The following NBAS variants were observed in gnomAD, a reference collection of about 807,000 sequenced individuals.
NBAS encodes the protein NAG/BC035112 fusion.
In NBAS, 219 loss-of-function variants were observed where a neutral mutation model predicts 302.5. That is an observed-to-expected ratio of 0.72 (90% CI 0.65 to 0.81). NBAS has a LOEUF of 0.81. NBAS is among the 30% of genes least tolerant of loss of function. The probability of loss-of-function intolerance (pLI) is 0.00; values close to 1 mark genes in which losing one functional copy is unlikely to be tolerated. For synonymous variants in NBAS, 1,118 were observed against 1,021.6 expected (o/e 1.09, Z -1.80); for missense variants, 2,932 against 2,841.6 (o/e 1.03, Z -0.72).
the NBAS span, among the ~76,000 whole-genome samples, chr2:15,056,425 C>A: frequency 6.6e-6 from 1 of 152,136 alleles, no homozygotes; most frequent in Non-Finnish European, 1.5e-5. Flanking sequence ...GCATTTGTAA[C>A]GTTTCTAAAA....
chr2:14,816,153 G>C, the NBAS span, among the ~76,000 whole-genome samples: 1 of 152,160 alleles, frequency 6.6e-6, no homozygotes, highest in Non-Finnish European at 1.5e-5. Flanking sequence ...AACTCCTTTA[G>C]CTTACACAGG....
chr2:14,847,382 T>TAAAAAAAAAAAAAAAAAAAAAAAAA, the NBAS span, among the ~76,000 whole-genome samples: 4 of 53,170 alleles, frequency 7.5e-5, no homozygotes, highest in Non-Finnish European at 1.1e-4. Flanking sequence ...GACTCTATCT[T>TAAAAAAAAAAAAAAAAAAAAAAAAA]AAAAAAAAAA....
the NBAS span, among the ~76,000 whole-genome samples, chr2:15,161,097 G>T: frequency 9.2e-5 from 14 of 152,286 alleles, no homozygotes; most frequent in South Asian, 2.9e-3. Context: ...TTGAGCAAAA[G>T]TTGGGCTTTG....
Position 15,351,879 on chromosome 2 carries a change from C to T in NBAS, c.4179+113G>A, listed in dbSNP as rs1673375045. The T allele has an allele frequency of 6.9e-6, 1 of 144,426 alleles. No homozygotes were observed. The highest frequency in any genetic ancestry group is 3.8e-5 in the African/African-American group (1 of 26,214). 8.9% of individuals were successfully genotyped at this position (144,426 alleles called of 1,614,324 possible). On this transcript the variant is annotated intron_variant, in intron 35 of 51. Transcript: ENST00000281513. ...GAAAAGTGGTCTGCATGCACACACACACACACACACACACACACACACACA... is the reference window on the plus strand; with the variant it reads ...GAAAAGTGGTCTGCATGCACACACATACACACACACACACACACACACACA...
chr2:15,460,276 G>C (rs1679449962), intron 21 of NBAS, among the ~76,000 whole-genome samples: 1 of 152,040 alleles, frequency 6.6e-6, no homozygotes. Flanking sequence ...ATCAATTCTG[G>C]TGTTACTAAA....
chr2:15,138,808 A>T, the NBAS span, among the ~76,000 whole-genome samples: 1 of 152,246 alleles, frequency 6.6e-6, no homozygotes, highest in South Asian at 2.1e-4. Flanking sequence ...CAAATAATAA[A>T]GAGAATTTAG....
At chr2:15,275,137 C>T (rs980565763) in intron 44 of NBAS, among the ~76,000 whole-genome samples, 5 of 152,052 alleles carry the variant, frequency 3.3e-5, no homozygotes, top group Non-Finnish European at 7.4e-5. Context: ...GCCTGGTTTC[C>T]GAATGCAGGT....
chr2:15,465,450 C>G (rs1261333950), intron 19 of NBAS, among the ~76,000 whole-genome samples: 3 of 152,178 alleles, frequency 2.0e-5, no homozygotes, highest in Admixed American at 1.3e-4. Flanking sequence ...CTCCATGAAG[C>G]CCATTCCTTG....
chr2:15,236,397 A>C (rs1410851549), intron 45 of NBAS, among the ~76,000 whole-genome samples: 2 of 151,526 alleles, frequency 1.3e-5, no homozygotes, highest in Non-Finnish European at 2.9e-5. Flanking sequence ...AAAATACAAA[A>C]AATTAGTTGG....
Position 15,539,207 on chromosome 2 carries a change from T to C in NBAS, c.513+16A>G, listed in dbSNP as rs375793446. 126 of 1,614,044 alleles carry C rather than the reference T, an allele frequency of 7.8e-5. No individual in the cohort carries two copies. Among genetic ancestry groups the C allele is most frequent in the Non-Finnish European group, 1.0e-4 (122 of 1,180,018 alleles). On this transcript the variant is annotated intron_variant, in intron 7 of 51. Transcript: ENST00000281513. ...CATTGAAAAAACTATGTTTTCAATT[T>C]AAGCTATGTACATACCGGGGAAATG...
the NBAS span, among the ~76,000 whole-genome samples, chr2:15,127,235 A>G: frequency 6.6e-6 from 1 of 152,308 alleles, no homozygotes; most frequent in Middle Eastern, 3.4e-3. Flanking sequence ...TAATCTCCCT[A>G]GGAAGCACAT....
chr2:15,501,326 AT>A (rs1242351550), intron 11 of NBAS, among the ~76,000 whole-genome samples: 2 of 152,070 alleles, frequency 1.3e-5, no homozygotes, highest in African/African-American at 4.8e-5. Flanking sequence ...ATGAGAAGTT[AT>A]TTTTTAAAGC....
chr2:15,525,723 C>T (rs1015837), intron 9 of NBAS, among the ~76,000 whole-genome samples: 80,291 of 151,984 alleles, frequency 0.53, 23,873 homozygotes, highest in Non-Finnish European at 0.67. Flanking sequence ...TACCTTCAAA[C>T]ACTAACTAAC....
At chr2:15,254,718 C>T (rs1039124309) in intron 44 of NBAS, among the ~76,000 whole-genome samples, 1 of 152,160 alleles carries the variant, frequency 6.6e-6, no homozygotes, top group African/African-American at 2.4e-5. Context: ...CACCAAGTCC[C>T]CAAAGTGTAT....
chr2:14,982,835 A>C, the NBAS span, among the ~76,000 whole-genome samples: 1 of 152,250 alleles, frequency 6.6e-6, no homozygotes, highest in Non-Finnish European at 1.5e-5. Flanking sequence ...ATGAATTAGA[A>C]AGTGTGAGAC....
chr2:15,463,332 A>T (rs979665181), intron 19 of NBAS, among the ~76,000 whole-genome samples: 2 of 152,142 alleles, frequency 1.3e-5, no homozygotes, highest in Admixed American at 6.6e-5. Context: ...CCTTTATTTC[A>T]TCTCAGTTAC....
chr2:15,015,187 C>A, the NBAS span, among the ~76,000 whole-genome samples: 1 of 151,510 alleles, frequency 6.6e-6, no homozygotes, highest in East Asian at 1.9e-4. Flanking sequence ...TGACTTCACC[C>A]CTGAATTCTG....
At chr2:14,871,359 A>G in the NBAS span, among the ~76,000 whole-genome samples, 1 of 152,182 alleles carries the variant, frequency 6.6e-6, no homozygotes, top group African/African-American at 2.4e-5. Context: ...CAGACACAAA[A>G]GTAAAATAAA....
chr2:15,539,393 A>C (rs771483859), intron 6 of NBAS, 37 bp from the exon 7 acceptor site: 1 of 1,612,944 alleles, frequency 6.2e-7, no homozygotes, highest in Non-Finnish European at 8.5e-7. Flanking sequence ...TTCTAACAAT[A>C]TATTACAAAG....
Sources: allele counts gnomAD v4.1 joint callset (sites outside exome capture counted in the v4.1 genomes callset), GRCh38; gene constraint gnomAD v4.1.1; transcripts MANE v1.5; gene names NCBI Gene and HGNC (gene_info 2026-07-23, HGNC 2026-07-21).